ZFPM2: variants seen among roughly 807,000 people sequenced by gnomAD.
ZFPM2 encodes zinc finger protein, FOG family member 2.
Under a neutral mutation model 98.6 loss-of-function variants are expected in ZFPM2, and 20 were observed. The ratio of observed to expected loss-of-function variants is 0.20; its 90% CI spans 0.14 to 0.29. ZFPM2 has a LOEUF of 0.29. Among genes scored for constraint, ZFPM2 ranks in the 10% least tolerant of loss-of-function variants. The probability of loss-of-function intolerance (pLI) is 1.00; values close to 1 mark genes in which losing one functional copy is unlikely to be tolerated. For synonymous variants in ZFPM2, 518 were observed against 502.7 expected (o/e 1.03, Z -0.41); for missense variants, 1,310 against 1,388.6 (o/e 0.94, Z 0.90).
At chr8:105,363,702 T>C (rs1359002331) in intron 1 of ZFPM2, among the ~76,000 whole-genome samples, 6 of 152,084 alleles carry the variant, frequency 3.9e-5, no homozygotes, top group Non-Finnish European at 5.9e-5. Flanking sequence ...ATAAATGATA[T>C]GTATTCCTAA....
intron 3 of ZFPM2, among the ~76,000 whole-genome samples, chr8:105,476,026 T>C (rs1226763027): frequency 6.6e-6 from 1 of 152,234 alleles, no homozygotes; most frequent in Non-Finnish European, 1.5e-5. Context: ...GAAACCTCTA[T>C]GAGACATTTT....
rs113962141 is a variant in ZFPM2 at position 105,491,761 on chromosome 8, A to G, written c.301+47380A>G. Among the ~76,000 whole-genome samples, 838 of 152,316 alleles carry G rather than the reference A, an allele frequency of 5.5e-3. 4 individuals carry two copies. The highest frequency in any genetic ancestry group is 0.018 in the African/African-American group (755 of 41,564). On this transcript the variant is annotated intron_variant, in intron 3 of 7. Transcript: ENST00000407775. ...CCTTAACTCTAAGTGCCAGAAGGAC[A>G]GGATAGAATAGTGAATTTATTGCCT... is the stretch of plus-strand genomic sequence containing the variant.
At chr8:105,379,449 A>C (rs1810797925) in intron 1 of ZFPM2, among the ~76,000 whole-genome samples, 1 of 152,252 alleles carries the variant, frequency 6.6e-6, no homozygotes, top group South Asian at 2.1e-4. Context: ...CAGTGGCCAA[A>C]ATTTAATTAA....
intron 3 of ZFPM2, among the ~76,000 whole-genome samples, chr8:105,550,901 A>G (rs941668551): frequency 1.3e-5 from 2 of 152,174 alleles, no homozygotes; most frequent in Non-Finnish European, 2.9e-5. Flanking sequence ...TTTTGGGTAA[A>G]TGCTTCTCAT....
At chr8:105,734,839 T>A (rs1812031050) in intron 5 of ZFPM2, among the ~76,000 whole-genome samples, 1 of 151,126 alleles carries the variant, frequency 6.6e-6, no homozygotes, top group African/African-American at 2.4e-5. Context: ...TATTACATAC[T>A]CAAAAACTAG....
chr8:105,526,286 G>A (rs1359622738), intron 3 of ZFPM2, among the ~76,000 whole-genome samples: 2 of 152,016 alleles, frequency 1.3e-5, no homozygotes, highest in African/African-American at 4.8e-5. Flanking sequence ...TCTAATGCTA[G>A]TTGAACTTCC....
intron 1 of ZFPM2, among the ~76,000 whole-genome samples, chr8:105,363,531 T>G (rs574212215): frequency 2.8e-4 from 43 of 152,284 alleles, no homozygotes; most frequent in African/African-American, 9.1e-4. Context: ...TTATCTCATA[T>G]TGTCCTCACA....
intron 1 of ZFPM2, among the ~76,000 whole-genome samples, chr8:105,337,179 C>T (rs896480428): frequency 6.6e-6 from 1 of 151,770 alleles, no homozygotes; most frequent in East Asian, 1.9e-4. Flanking sequence ...ATGGTATGGC[C>T]TCTTCCCCCT....
In ZFPM2 at chr8:105,533,881, T is replaced by C. The variant is rs576056927; in HGVS notation, c.302-27482T>C. Among the ~76,000 whole-genome samples, 24 of 10,736 alleles carry C rather than the reference T, an allele frequency of 2.2e-3. 3 individuals are homozygous for C. In the African/African-American group the frequency reaches 0.034, roughly 15 times the overall value. 7.0% of individuals were successfully genotyped at this position (10,736 alleles called of 152,430 possible). ...CCTCCCTTTCTCCCTCCCTCCCTTC[T>C]TTCCTTCCTTCCTTTCTTCCTACCT... On this transcript the variant is annotated intron_variant, in intron 3 of 7. Transcript: ENST00000407775.
At chr8:105,438,996 A>T (rs993928116) in intron 2 of ZFPM2, among the ~76,000 whole-genome samples, 2 of 151,344 alleles carry the variant, frequency 1.3e-5, no homozygotes, top group African/African-American at 4.9e-5. Flanking sequence ...CAACTAGATT[A>T]TATGGTCCTC....
At chr8:105,515,013 T>C (rs1813890842) in intron 3 of ZFPM2, among the ~76,000 whole-genome samples, 1 of 140,788 alleles carries the variant, frequency 7.1e-6, no homozygotes, top group African/African-American at 3.0e-5. Flanking sequence ...AATGAATGTT[T>C]GAAGGACACA....
At chr8:105,596,739 CTT>C (rs910632602) in intron 4 of ZFPM2, among the ~76,000 whole-genome samples, 2 of 58,950 alleles carry the variant, frequency 3.4e-5, no homozygotes, top group African/African-American at 6.3e-5. Flanking sequence ...CCTTTGTCTG[CTT>C]TTTTTTTTTT....
intron 4 of ZFPM2, among the ~76,000 whole-genome samples, chr8:105,582,255 A>C (rs1171628150): frequency 1.3e-5 from 2 of 152,220 alleles, no homozygotes; most frequent in Non-Finnish European, 2.9e-5. Context: ...TTGAAGTCAG[A>C]ATAATGAGTT....
chr8:105,347,362 T>C (rs1164715426), intron 1 of ZFPM2, among the ~76,000 whole-genome samples: 1 of 152,200 alleles, frequency 6.6e-6, no homozygotes, highest in Non-Finnish European at 1.5e-5. Flanking sequence ...AGGGTTGGTA[T>C]AGTCTTACAA....
At chr8:105,743,837 A>G (rs1812280834) in intron 5 of ZFPM2, among the ~76,000 whole-genome samples, 1 of 152,082 alleles carries the variant, frequency 6.6e-6, no homozygotes, top group Non-Finnish European at 1.5e-5. Flanking sequence ...TGCACTCTAC[A>G]AGAATGCATT....
chr8:105,335,618 G>A (rs1392592547), intron 1 of ZFPM2, among the ~76,000 whole-genome samples: 1 of 151,780 alleles, frequency 6.6e-6, no homozygotes, highest in Non-Finnish European at 1.5e-5. Context: ...CTCCCATGTG[G>A]CCAGCTGATG....
intron 2 of ZFPM2, among the ~76,000 whole-genome samples, chr8:105,423,150 T>C (rs1461171328): frequency 2.6e-5 from 4 of 152,218 alleles, no homozygotes; most frequent in Non-Finnish European, 5.9e-5. Context: ...ACTCTTATAA[T>C]GTAAGATTCC....
chr8:105,696,168 A>G (rs944072299), intron 5 of ZFPM2, among the ~76,000 whole-genome samples: 1 of 152,130 alleles, frequency 6.6e-6, no homozygotes, highest in Admixed American at 6.5e-5. Context: ...GGGATTCACC[A>G]GGTCTACCCC....
chr8:105,754,944 ATATG>A (rs1563550150), intron 5 of ZFPM2, among the ~76,000 whole-genome samples: 3 of 122,324 alleles, frequency 2.5e-5, no homozygotes, highest in African/African-American at 1.1e-4. Flanking sequence ...GAGAAATTTA[ATATG>A]TGTGTGTGTG....
Sources: gnomAD v4.1 joint callset for allele counts (sites outside exome capture counted in the v4.1 genomes callset) on GRCh38, gnomAD v4.1.1 for gene constraint, MANE v1.5 for transcripts, NCBI Gene and HGNC (gene_info 2026-07-23, HGNC 2026-07-21) for gene names.